ABCA5: variants seen among roughly 807,000 people sequenced by gnomAD.
ABCA5 encodes ATP binding cassette subfamily A member 5, also known as cholesterol transporter ABCA5.
A neutral mutation model predicts 206.0 loss-of-function variants in ABCA5; 163 were observed. That is an observed-to-expected ratio of 0.79 (90% CI 0.70 to 0.90). The LOEUF (loss-of-function observed/expected upper bound fraction) is 0.90, where lower values mean the gene tolerates loss of function less well. Ranked by LOEUF, ABCA5 falls within the 40% of genes least tolerant of loss-of-function variation. ABCA5 has a pLI of 0.00. For missense variants in ABCA5, 1,859 were observed against 1,912.9 expected, an observed-to-expected ratio of 0.97 and a Z score of 0.53; for synonymous variants, 609 against 613.8, an observed-to-expected ratio of 0.99 and a Z score of 0.11.
intron 14 of ABCA5, among the ~76,000 whole-genome samples, chr17:69,288,000 G>A (rs376918998): frequency 6.6e-6 from 1 of 152,042 alleles, no homozygotes; most frequent in Non-Finnish European, 1.5e-5. Flanking sequence ...TATAACAACA[G>A]TCAGACAAAC....
intron 14 of ABCA5, 83 bp from the exon 15 acceptor site, chr17:69,287,834 C>A (rs930394808): frequency 7.2e-6 from 9 of 1,256,140 alleles, no homozygotes; most frequent in African/African-American, 3.1e-5. Context: ...AAAAAACTGC[C>A]CCATTTCAAA....
rs1239520451 is a variant in ABCA5, at chr17:69,326,703, A to T, written c.-16+349T>A. On this transcript the variant is annotated intron_variant, in intron 1 of 38. Transcript: ENST00000392676. This position sits in a 1 kb window ranked among gnomAD's most constrained non-coding sequence, Gnocchi z 4.8. ...TGCTGAGGGTGGAACGACAGCGTCC[A>T]GGCAAAGGCAGTGTCCCGAAGTCCC... 6.6e-6 allele frequency among the ~76,000 whole-genome samples: 1 copy of T among 152,174 alleles called. No homozygotes were observed. The highest frequency in any genetic ancestry group is 2.4e-5 in the African/African-American group (1 of 41,450).
chr17:69,311,402 T>C (rs777011980), intron 3 of ABCA5, among the ~76,000 whole-genome samples: 87 of 152,248 alleles, frequency 5.7e-4, no homozygotes, highest in Non-Finnish European at 1.1e-3. Context: ...AATACAGAAG[T>C]CTAAAAAAAT....
chr17:69,302,769 C>G lies in ABCA5; in HGVS notation c.1068G>C (p.Val356=). Residue 356 remains valine (V), a synonymous_variant, in exon 8 of 39, where the codon GTG becomes GTC. Transcript: ENST00000392676. ...AGTGACAGAAAGGACTGAAAAGCCA[C>G]ACTAACGATTTGGGAAAACTTTCTA... ...ILIESFPKSL[V]WLFSPFCHCT... is the part of the protein sequence containing the mutation. 6.3e-7 allele frequency: 1 copy of G among 1,598,802 alleles called. No homozygotes were observed. Among genetic ancestry groups the G allele is most frequent in the Non-Finnish European group, 8.5e-7 (1 of 1,176,102 alleles).
At chr17:69,315,388 C>G (rs1459053861) in intron 1 of ABCA5, 1 of 152,244 alleles carries the variant, frequency 6.6e-6, no homozygotes, top group East Asian at 1.9e-4. Flanking sequence ...TGAACCTAAC[C>G]TGGTTGACAG....
intron 9 of ABCA5, among the ~76,000 whole-genome samples, chr17:69,298,264 G>A (rs1041571272): frequency 1.5e-5 from 2 of 133,568 alleles, no homozygotes; most frequent in Admixed American, 1.5e-4. Context: ...AGGAAGGAAG[G>A]AAGGAAGGAA....
chr17:69,271,403 CAAGT>C, intron 20 of ABCA5, 114 bp from the exon 21 acceptor site: 3 of 1,130,512 alleles, frequency 2.7e-6, no homozygotes, highest in South Asian at 1.9e-5. Flanking sequence ...AGCGAATACG[CAAGT>C]AAGTACATTG....
At chr17:69,283,102 G>A (rs570683773) in intron 18 of ABCA5, among the ~76,000 whole-genome samples, 49 of 144,334 alleles carry the variant, frequency 3.4e-4, no homozygotes, top group African/African-American at 3.3e-4. Flanking sequence ...TTCTCCCACC[G>A]CAGCCTCTAG....
chr17:69,299,214 TG>T (rs2075623774), intron 9 of ABCA5, among the ~76,000 whole-genome samples: 1 of 152,056 alleles, frequency 6.6e-6, no homozygotes, highest in South Asian at 2.1e-4. Flanking sequence ...CCACTGTTGG[TG>T]GGAATGTAAA....
chr17:69,279,750 T>C (rs1051646005), intron 18 of ABCA5, among the ~76,000 whole-genome samples: 2 of 152,142 alleles, frequency 1.3e-5, no homozygotes, highest in African/African-American at 4.8e-5. Context: ...CTATCTGATC[T>C]TTGACAAACC....
intron 17 of ABCA5, 62 bp downstream of exon 17, chr17:69,285,836 T>C (rs1364868949): frequency 1.4e-6 from 2 of 1,478,724 alleles, no homozygotes; most frequent in East Asian, 2.4e-5. Context: ...AGGAAATCAA[T>C]GAAACCTATT....
intron 35 of ABCA5, chr17:69,250,848 C>T (rs1309589698): frequency 1.1e-5 from 3 of 273,320 alleles, no homozygotes; most frequent in African/African-American, 6.7e-5. Flanking sequence ...GACATTGGTA[C>T]ATTCCTTGTC....
chr17:69,254,191 A>G, intron 32 of ABCA5, 124 bp downstream of exon 32: 1 of 794,962 alleles, frequency 1.3e-6, no homozygotes, highest in Middle Eastern at 3.7e-4. Flanking sequence ...GAATATATGA[A>G]AAAGTAATAA....
intron 14 of ABCA5, among the ~76,000 whole-genome samples, chr17:69,287,969 CT>C (rs2075478220): frequency 6.6e-6 from 1 of 152,010 alleles, no homozygotes; most frequent in South Asian, 2.1e-4. Flanking sequence ...AAAAGACTGC[CT>C]GTAATACACA....
chr17:69,306,985 T>C (rs778556137), intron 5 of ABCA5, 31 bp from the exon 6 acceptor site: 1 of 1,451,260 alleles, frequency 6.9e-7, no homozygotes, highest in Non-Finnish European at 9.2e-7. Context: ...TACATCAAAT[T>C]AATTTAGTTA....
chr17:69,289,852 A>G lies in ABCA5; in HGVS notation c.1782+10T>C. On this transcript the variant is annotated intron_variant, in intron 13 of 38. Coordinates refer to ENST00000392676, the MANE Select transcript of ABCA5 (RefSeq NM_172232.4). ...AAATAAAAGTAAAGATTTCTATATG[A>G]ATAGCATACTTCTTGTATTATATTG... 6.3e-7 allele frequency: 1 copy of G among 1,580,080 alleles called. No homozygotes were observed. Among genetic ancestry groups the G allele is most frequent in the Non-Finnish European group, 8.6e-7 (1 of 1,162,170 alleles).
intron 17 of ABCA5, 57 bp downstream of exon 17, chr17:69,285,841 C>T: frequency 6.6e-7 from 1 of 1,507,454 alleles, no homozygotes; most frequent in Admixed American, 2.0e-5. Flanking sequence ...ATCAATGAAA[C>T]CTATTCCCAA....
At chr17:69,248,416 C>A in intron 37 of ABCA5, 99 bp from the exon 38 acceptor site, 1 of 666,466 alleles carries the variant, frequency 1.5e-6, no homozygotes, top group South Asian at 2.0e-5. Context: ...TCTCTGTAAT[C>A]AACCCACTTA....
intron 11 of ABCA5, 117 bp from the exon 12 acceptor site, chr17:69,291,443 G>T (rs2075525576): frequency 1.9e-6 from 1 of 529,068 alleles, no homozygotes; most frequent in Non-Finnish European, 3.2e-6. Flanking sequence ...CATATTTAAA[G>T]TTACCAGCAT....
Sources: gnomAD v4.1 joint callset for allele counts (sites outside exome capture counted in the v4.1 genomes callset) on GRCh38, gnomAD v4.1.1 for gene constraint, Gnocchi (gnomAD v3.1) non-coding constraint, MANE v1.5 for transcripts, NCBI Gene and HGNC (gene_info 2026-07-23, HGNC 2026-07-21) for gene names.